The following NLRP13 variants were observed in gnomAD, a reference collection of about 807,000 sequenced individuals.
The protein encoded by NLRP13 is NLR family pyrin domain containing 13.
NLRP13 carries 82 observed loss-of-function variants against 94.4 expected under a neutral mutation model. The ratio of observed to expected loss-of-function variants is 0.87; its 90% CI spans 0.73 to 1.04. The LOEUF (loss-of-function observed/expected upper bound fraction) is 1.04. NLRP13 is among the 50% of genes least tolerant of loss of function. NLRP13 has a pLI of 0.00. For missense variants in NLRP13, 1,426 were observed against 1,230.8 expected (o/e 1.16, Z -2.37); for synonymous variants, 553 against 464.7 (o/e 1.19, Z -2.45).
In NLRP13 at chr19:55,924,867, A is replaced by G; in HGVS notation, c.388+100T>C. On this transcript the variant is annotated intron_variant, in intron 2 of 10. Coordinates refer to ENST00000342929, the MANE Select transcript of NLRP13 (RefSeq NM_176810.2). ...GAAAGTTTTTAATTTTTTATGCACT[A>G]TAAATTCAAGAAATTTCAGAGTAGG... is the stretch of plus-strand genomic sequence containing the variant. 2.7e-6 allele frequency: 3 copies of G among 1,100,786 alleles called. No individual in the cohort carries two copies. In the South Asian group the frequency reaches 4.0e-5, roughly 15 times the overall value. The allele number at this position is 1,100,786 out of a possible 1,614,324, so 68.2% of individuals were successfully genotyped here.
chr19:55,893,733 A>T (rs1160365438), downstream of NLRP13, among the ~76,000 whole-genome samples: 1 of 152,328 alleles, frequency 6.6e-6, no homozygotes, highest in Admixed American at 6.5e-5. Context: ...ATTAATCTGC[A>T]TCTAGCAATT....
At chr19:55,901,088 T>G (rs1228109388) in intron 9 of NLRP13, among the ~76,000 whole-genome samples, 2 of 152,186 alleles carry the variant, frequency 1.3e-5, no homozygotes, top group African/African-American at 4.8e-5. Context: ...TTGGCATGAT[T>G]GCCACAGCTG....
chr19:55,920,861 A>C (rs2123137597), intron 4 of NLRP13, among the ~76,000 whole-genome samples: 1 of 152,304 alleles, frequency 6.6e-6, no homozygotes, highest in East Asian at 1.9e-4. Flanking sequence ...AATGTCCATT[A>C]ATGGATGACT....
At chr19:55,904,812 C>G in intron 8 of NLRP13, 130 bp downstream of exon 8, 7 of 760,434 alleles carry the variant, frequency 9.2e-6, no homozygotes, top group Middle Eastern at 4.2e-4. Flanking sequence ...AGAGCAATTC[C>G]TGGCACATAG....
chr19:55,892,839 G>A (rs193232939), downstream of NLRP13, among the ~76,000 whole-genome samples: 725 of 152,276 alleles, frequency 4.8e-3, 6 homozygotes, highest in Admixed American at 7.8e-3. Context: ...CCTCAGCTGC[G>A]TCCATGTTGC....
At chr19:55,911,470 C>T (rs1250422610) in intron 5 of NLRP13, among the ~76,000 whole-genome samples, 2 of 152,192 alleles carry the variant, frequency 1.3e-5, no homozygotes, top group Non-Finnish European at 2.9e-5. Context: ...CTTAAACCCT[C>T]CATATTCAAT....
chr19:55,901,210 C>T (rs1239521270), intron 9 of NLRP13, among the ~76,000 whole-genome samples: 2 of 152,242 alleles, frequency 1.3e-5, no homozygotes, highest in South Asian at 2.1e-4. Flanking sequence ...TTTACCTCTG[C>T]ACAGAGGAGT....
intron 1 of NLRP13, among the ~76,000 whole-genome samples, chr19:55,931,728 A>AAGAAAGAAAGAC (rs1987148999): frequency 5.2e-5 from 4 of 76,596 alleles, no homozygotes; most frequent in Non-Finnish European, 9.2e-5. Flanking sequence ...AAAAAAAAGA[A>AAGAAAGAAAGAC]AGAAAGAAAG....
intron 1 of NLRP13, among the ~76,000 whole-genome samples, chr19:55,927,780 TAAGA>T (rs946759734): frequency 1.9e-4 from 29 of 152,142 alleles, no homozygotes; most frequent in African/African-American, 5.8e-4. Context: ...GACCCCAGTT[TAAGA>T]AAGAATTGTG....
At chr19:55,892,269 C>A (rs1002586775), downstream of NLRP13, 4 of 480,084 alleles carry the variant, frequency 8.3e-6, no homozygotes, top group Admixed American at 4.4e-5. Context: ...TCCCATCACC[C>A]AGGTAGTGAG....
chr19:55,897,261 G>C (rs1408752550), intron 10 of NLRP13, among the ~76,000 whole-genome samples: 1 of 152,198 alleles, frequency 6.6e-6, no homozygotes, highest in East Asian at 1.9e-4. Context: ...GCTCATGTCA[G>C]TAATCCCAAC....
In NLRP13 at chr19:55,912,397, C is replaced by T. The variant is rs146782806; in HGVS notation, c.1420G>A (p.Asp474Asn). 3 of 1,613,988 alleles carry T rather than the reference C, an allele frequency of 1.9e-6. No homozygotes were observed. The highest frequency in any genetic ancestry group is 2.7e-5 in the African/African-American group (2 of 74,898). ...GCCCTCCATTGTCCTGGCCAGCTGTCATCTGCCAAATCTACCTCTGCTGTG... is the reference window on the plus strand; with the variant it reads ...GCCCTCCATTGTCCTGGCCAGCTGTTATCTGCCAAATCTACCTCTGCTGTG... The part of the protein sequence containing the change: ...FSTAEVDLAD[D>N]SWPGQWRALC... Residue 474 changes from aspartate (D) to asparagine (N), a missense_variant, in exon 5 of 11, where the codon GAC becomes AAC. Transcript: ENST00000342929.
At chr19:55,904,815 G>T in intron 8 of NLRP13, 127 bp downstream of exon 8, 6 of 760,436 alleles carry the variant, frequency 7.9e-6, no homozygotes, top group Non-Finnish European at 1.2e-5. Context: ...GCAATTCCTG[G>T]CACATAGTAA....
downstream of NLRP13, among the ~76,000 whole-genome samples, chr19:55,892,974 G>A (rs1985899178): frequency 6.6e-6 from 1 of 152,148 alleles, no homozygotes; most frequent in African/African-American, 2.4e-5. Context: ...ACCAACCTAG[G>A]TGCTCATCAA....
chr19:55,902,990 A>G (rs1278537043), intron 8 of NLRP13, among the ~76,000 whole-genome samples: 1 of 150,806 alleles, frequency 6.6e-6, no homozygotes, highest in Admixed American at 6.6e-5. Flanking sequence ...AATATTAGTC[A>G]TAATTATATA....
chr19:55,927,537 C>T (rs920891965), intron 1 of NLRP13, among the ~76,000 whole-genome samples: 2 of 151,480 alleles, frequency 1.3e-5, no homozygotes, highest in African/African-American at 4.9e-5. Context: ...ACTGCAAATT[C>T]ACAGACATAT....
At chr19:55,894,446 C>A (rs2123095820), downstream of NLRP13, among the ~76,000 whole-genome samples, 1 of 152,274 alleles carries the variant, frequency 6.6e-6, no homozygotes, top group Non-Finnish European at 1.5e-5. Flanking sequence ...AAGCTTGGTG[C>A]AACCTCAGGG....
downstream of NLRP13, chr19:55,892,010 C>T: frequency 2.0e-6 from 2 of 988,712 alleles, no homozygotes; most frequent in Non-Finnish European, 2.6e-6. Context: ...ATCACCACCA[C>T]CACTTGTCTT....
At chr19:55,917,442 A>G (rs989983978) in intron 4 of NLRP13, among the ~76,000 whole-genome samples, 1 of 152,098 alleles carries the variant, frequency 6.6e-6, no homozygotes, top group Admixed American at 6.5e-5. Flanking sequence ...ATTAACCTTC[A>G]ATATACATGG....
Sources: gnomAD v4.1 joint callset for allele counts (sites outside exome capture counted in the v4.1 genomes callset) on GRCh38, gnomAD v4.1.1 for gene constraint, MANE v1.5 for transcripts, NCBI Gene and HGNC (gene_info 2026-07-23, HGNC 2026-07-21) for gene names.